The following MANBA variants were observed in gnomAD, a reference collection of about 807,000 sequenced individuals.
MANBA encodes mannosidase beta.
Under a neutral mutation model 111.1 loss-of-function variants are expected in MANBA, and 83 were observed. The ratio of observed to expected loss-of-function variants is 0.75; its 90% CI spans 0.63 to 0.90. MANBA has a LOEUF of 0.90. MANBA is among the 40% of genes least tolerant of loss of function. The pLI is 0.00. For synonymous variants in MANBA, 370 were observed against 378.7 expected, an observed-to-expected ratio of 0.98 and a Z score of 0.27; for missense variants, 1,036 against 1,069.0, an observed-to-expected ratio of 0.97 and a Z score of 0.43.
At chr4:102,704,470 T>C (rs1349056018) in intron 5 of MANBA, among the ~76,000 whole-genome samples, 2 of 152,168 alleles carry the variant, frequency 1.3e-5, no homozygotes, top group Non-Finnish European at 2.9e-5. Context: ...ACGCCCAGCC[T>C]TGCATTAGTT....
chr4:102,692,190 G>T (rs1490603112), intron 5 of MANBA, among the ~76,000 whole-genome samples: 2 of 152,044 alleles, frequency 1.3e-5, no homozygotes, highest in Non-Finnish European at 2.9e-5. Context: ...GAAGCAGAAA[G>T]ATATAAAATC....
At chr4:102,684,315 T>G (rs1019705887) in intron 7 of MANBA, among the ~76,000 whole-genome samples, 11 of 152,198 alleles carry the variant, frequency 7.2e-5, no homozygotes, top group African/African-American at 2.7e-4. Context: ...CAGTGTTCAA[T>G]GTCCTGTCTG....
At chr4:102,679,505 G>A (rs1731868894) in intron 7 of MANBA, 1 of 151,864 alleles carries the variant, frequency 6.6e-6, no homozygotes, top group Non-Finnish European at 1.5e-5. Context: ...ATAGATTCAA[G>A]TTTTGATTAT....
At chr4:102,668,849 A>T in intron 10 of MANBA, 114 bp downstream of exon 10, 1 of 823,556 alleles carries the variant, frequency 1.2e-6, no homozygotes, top group Non-Finnish European at 2.0e-6. Context: ...CTGGCTGTGT[A>T]ATTTTTCATG....
intron 2 of MANBA, among the ~76,000 whole-genome samples, chr4:102,725,740 G>T (rs1344808667): frequency 6.6e-6 from 1 of 152,128 alleles, no homozygotes; most frequent in African/African-American, 2.4e-5. Flanking sequence ...AAGATGGAAA[G>T]ATGGAAATGA....
chr4:102,757,730 T>C (rs1238917177), intron 1 of MANBA, among the ~76,000 whole-genome samples: 1 of 152,250 alleles, frequency 6.6e-6, no homozygotes, highest in Non-Finnish European at 1.5e-5. Context: ...TCCTGCACTG[T>C]AGCCTTCACA....
At chr4:102,684,078 G>C (rs1394401234) in intron 7 of MANBA, among the ~76,000 whole-genome samples, 1 of 150,630 alleles carries the variant, frequency 6.6e-6, no homozygotes, top group Non-Finnish European at 1.5e-5. Context: ...GTCTGAGTCA[G>C]ATATGCTGCT....
rs59651274 is a variant in MANBA, at chr4:102,696,530, C to A, written c.674-5759G>T. 9.2e-3 allele frequency among the ~76,000 whole-genome samples: 1,394 copies of A among 152,220 alleles called. 28 individuals are homozygous for A. The highest frequency in any genetic ancestry group is 0.032 in the African/African-American group (1,324 of 41,516). On this transcript the variant is annotated intron_variant, in intron 5 of 16. Transcript: ENST00000647097. ...CATATTTAGAAAGATAAAATATACC[C>A]AAGTGTCGCAGTTAAGAATACAGGA...
chr4:102,730,296 C>T (rs527849565), intron 1 of MANBA: 1 of 544,176 alleles, frequency 1.8e-6, no homozygotes, highest in East Asian at 3.0e-5. Flanking sequence ...GAGGAATTTA[C>T]AAGAGGGTAT....
chr4:102,728,752 G>C, intron 1 of MANBA: 2 of 880,718 alleles, frequency 2.3e-6, no homozygotes, highest in East Asian at 5.5e-5. Context: ...CTGTTCACTT[G>C]GGCAGGACGT....
intron 5 of MANBA, among the ~76,000 whole-genome samples, chr4:102,699,416 T>G (rs1174432139): frequency 4.6e-5 from 7 of 152,026 alleles, no homozygotes; most frequent in Admixed American, 6.6e-5. Context: ...TGGTGAGAGA[T>G]GGCATCCCTG....
At chr4:102,667,251 G>T (rs1224740046) in intron 10 of MANBA, 1 of 152,212 alleles carries the variant, frequency 6.6e-6, no homozygotes, top group Non-Finnish European at 1.5e-5. Context: ...CATATTGAAA[G>T]AGACCAATGC....
intron 5 of MANBA, among the ~76,000 whole-genome samples, chr4:102,705,677 T>C (rs1733265104): frequency 6.6e-6 from 1 of 152,022 alleles, no homozygotes. Context: ...ACCCAAGCAT[T>C]CCACCAGTGG....
chr4:102,671,566 C>G (rs1731500840), intron 8 of MANBA, among the ~76,000 whole-genome samples, 168 bp from the exon 9 acceptor site: 1 of 152,028 alleles, frequency 6.6e-6, no homozygotes, highest in Non-Finnish European at 1.5e-5. Flanking sequence ...TTAACTATAA[C>G]CACATAAAAC....
At chr4:102,702,843 C>G (rs1733122544) in intron 5 of MANBA, among the ~76,000 whole-genome samples, 1 of 152,158 alleles carries the variant, frequency 6.6e-6, no homozygotes, top group Non-Finnish European at 1.5e-5. Context: ...AAATTGAACA[C>G]TTGAAAAAGC....
intron 8 of MANBA, among the ~76,000 whole-genome samples, chr4:102,672,362 T>C (rs1731534066): frequency 6.6e-6 from 1 of 152,224 alleles, no homozygotes; most frequent in Non-Finnish European, 1.5e-5. Context: ...ATTTTCAGCA[T>C]TGCAAAGATT....
intron 12 of MANBA, among the ~76,000 whole-genome samples, chr4:102,655,912 T>C (rs540174322): frequency 1.3e-5 from 2 of 152,322 alleles, no homozygotes; most frequent in South Asian, 4.1e-4. Context: ...ATAGCCAGAA[T>C]ATATTTTTTT....
chr4:102,689,249 T>G (rs1732359932), intron 7 of MANBA, among the ~76,000 whole-genome samples: 2 of 151,606 alleles, frequency 1.3e-5, no homozygotes, highest in Admixed American at 1.3e-4. Flanking sequence ...CTTGGGAGGC[T>G]GAGGCAGGAG....
At chr4:102,659,439 T>C (rs1447416979) in intron 11 of MANBA, among the ~76,000 whole-genome samples, 2 of 152,156 alleles carry the variant, frequency 1.3e-5, no homozygotes, top group African/African-American at 4.8e-5. Flanking sequence ...TATTCTGCTA[T>C]TAAGAAAAAA....
Sources: allele counts gnomAD v4.1 joint callset (sites outside exome capture counted in the v4.1 genomes callset), GRCh38; gene constraint gnomAD v4.1.1; transcripts MANE v1.5; gene names NCBI Gene and HGNC (gene_info 2026-07-23, HGNC 2026-07-21).